ACP7: variants seen among roughly 807,000 people sequenced by gnomAD.
ACP7 encodes acid phosphatase type 7.
ACP7 carries 58 observed loss-of-function variants against 60.6 expected under a neutral mutation model. The ratio of observed to expected loss-of-function variants is 0.96; its 90% CI spans 0.77 to 1.19. The LOEUF is 1.19. ACP7 is among the 50% of genes most tolerant of loss of function. ACP7 has a pLI of 0.00. For synonymous variants in ACP7, 237 were observed against 232.6 expected (o/e 1.02, Z -0.17); for missense variants, 574 against 596.2 (o/e 0.96, Z 0.39).
intron 2 of ACP7, among the ~76,000 whole-genome samples, chr19:39,091,457 A>C (rs931213786): frequency 4.6e-5 from 7 of 152,028 alleles, no homozygotes; most frequent in Non-Finnish European, 5.9e-5. Flanking sequence ...CACTGTGCCC[A>C]GCCCTCCAGT....
chr19:39,089,984 A>G (rs566180514), intron 2 of ACP7, among the ~76,000 whole-genome samples: 2 of 152,250 alleles, frequency 1.3e-5, no homozygotes, highest in East Asian at 1.9e-4. Flanking sequence ...CTTGAGGGAG[A>G]TGGCTCAAGA....
intron 11 of ACP7, among the ~76,000 whole-genome samples, chr19:39,105,400 G>T (rs946661609): frequency 1.3e-5 from 2 of 152,134 alleles, no homozygotes; most frequent in African/African-American, 4.8e-5. Flanking sequence ...ACAGCGAGTT[G>T]TTTTGTGGAA....
chr19:39,103,868 G>A (rs540319888), intron 11 of ACP7, among the ~76,000 whole-genome samples: 1 of 152,090 alleles, frequency 6.6e-6, no homozygotes, highest in Admixed American at 6.6e-5. Flanking sequence ...TCACTATGTT[G>A]CCCAGGCTGG....
chr19:39,085,126 C>T lies in ACP7; in HGVS notation c.-144C>T. 9.2e-7 allele frequency: 1 copy of T among 1,085,222 alleles called. No individual in the cohort carries two copies. The highest frequency in any genetic ancestry group is 1.3e-6 in the Non-Finnish European group (1 of 775,372). The allele number at this position is 1,085,222 out of a possible 1,614,324, so 67.2% of individuals were successfully genotyped here. Reference sequence around the variant, plus strand: ...AACCACCCATCTTGAAGGAGACCTCCCTGCCCTGCCTCTGTTGTCCCCCAG... The same window carrying T: ...AACCACCCATCTTGAAGGAGACCTCTCTGCCCTGCCTCTGTTGTCCCCCAG... On this transcript the variant is annotated 5_prime_UTR_variant, in exon 2 of 13. Transcript: ENST00000331256.
Position 39,098,674 on chromosome 19 carries a change from G to C in ACP7, c.322+16G>C, listed in dbSNP as rs768506818. ...GTTCAGTATGGTGAGAGGGGCCCCA[G>C]GCTGAGCTGTTGAGGAGGAGTGGGA... is the stretch of plus-strand genomic sequence containing the variant. On this transcript the variant is annotated intron_variant, in intron 3 of 12. Transcript: ENST00000331256. The C allele has an allele frequency of 3.1e-6, 5 of 1,598,792 alleles. No homozygotes were observed. The highest frequency in any genetic ancestry group is 4.3e-6 in the Non-Finnish European group (5 of 1,171,542).
intron 12 of ACP7, among the ~76,000 whole-genome samples, chr19:39,109,109 A>G (rs2073441515): frequency 6.6e-6 from 1 of 152,150 alleles, no homozygotes; most frequent in South Asian, 2.1e-4. Context: ...GGCATGAGCC[A>G]CCGCATGCGG....
At chr19:39,090,669 A>G (rs531027992) in intron 2 of ACP7, among the ~76,000 whole-genome samples, 1 of 151,460 alleles carries the variant, frequency 6.6e-6, no homozygotes, top group East Asian at 1.9e-4. Context: ...TTTTGTAGAG[A>G]CAGAGTTTCA....
chr19:39,101,551 AG>A lies in ACP7; in HGVS notation c.1113+17del. 6.2e-7 allele frequency: 1 copy of A among 1,612,570 alleles called. No homozygotes were observed. The highest frequency in any genetic ancestry group is 1.7e-5 in the Admixed American group (1 of 59,888). On this transcript the variant is annotated intron_variant, in intron 11 of 12. Coordinates refer to ENST00000331256, the MANE Select transcript of ACP7 (RefSeq NM_001004318.3). The stretch of plus-strand genomic sequence containing the variant: ...ACAGGATCTGCTGTGAGCAGGGGGA[AG>A]GGTGGCTTTGCCTTCTCTCTCTATT...
At chr19:39,094,013 C>T (rs1035209987) in intron 2 of ACP7, among the ~76,000 whole-genome samples, 2 of 152,154 alleles carry the variant, frequency 1.3e-5, no homozygotes, top group African/African-American at 2.4e-5. Context: ...ACAAAGAGTA[C>T]TGCCATAAAT....
intron 11 of ACP7, among the ~76,000 whole-genome samples, chr19:39,103,045 C>G (rs188296538): frequency 6.6e-6 from 1 of 151,872 alleles, no homozygotes; most frequent in South Asian, 2.1e-4. Context: ...ACCATGCTGG[C>G]GAGGCTGGTC....
At chr19:39,107,357 C>T (rs190172910) in intron 12 of ACP7, among the ~76,000 whole-genome samples, 7 of 151,736 alleles carry the variant, frequency 4.6e-5, no homozygotes, top group Non-Finnish European at 1.0e-4. Flanking sequence ...CCGAGGCAGG[C>T]GGATCACAAG....
chr19:39,106,534 G>T (rs1449307126), intron 11 of ACP7, among the ~76,000 whole-genome samples: 1 of 152,026 alleles, frequency 6.6e-6, no homozygotes, highest in Non-Finnish European at 1.5e-5. Context: ...TTTTGTTTTT[G>T]TTTTTGTTTG....
At position 39,110,203 on chromosome 19, in the gene ACP7, T is replaced by C. The variant is rs549187966; in HGVS notation, c.*85T>C. 7.1e-5 allele frequency: 97 copies of C among 1,360,056 alleles called. No homozygotes were observed. Among genetic ancestry groups the C allele is most frequent in the Non-Finnish European group, 9.5e-5 (91 of 961,330 alleles). 84.2% of individuals were successfully genotyped at this position (1,360,056 alleles called of 1,614,324 possible). Reference sequence around the variant, plus strand: ...AAACTGCCCAGGCCTGGGTGGGGAGTTGGGTGGGCCCTGACTCCCCTGCCC... The same window carrying C: ...AAACTGCCCAGGCCTGGGTGGGGAGCTGGGTGGGCCCTGACTCCCCTGCCC... On this transcript the variant is annotated 3_prime_UTR_variant, in exon 13 of 13. Transcript: ENST00000331256.
chr19:39,107,754 C>T (rs1032726629), intron 12 of ACP7, among the ~76,000 whole-genome samples: 14 of 151,860 alleles, frequency 9.2e-5, no homozygotes, highest in African/African-American at 2.9e-4. Context: ...GCCATGGTGG[C>T]GGGTGCCTGT....
chr19:39,086,691 C>T (rs911647108), intron 2 of ACP7, among the ~76,000 whole-genome samples: 1 of 151,334 alleles, frequency 6.6e-6, no homozygotes, highest in African/African-American at 2.4e-5. Flanking sequence ...CAGCAATTTC[C>T]ATACACTTTA....
chr19:39,085,799 T>C (rs920215935), intron 2 of ACP7, among the ~76,000 whole-genome samples: 6 of 152,174 alleles, frequency 3.9e-5, no homozygotes, highest in Non-Finnish European at 8.8e-5. Flanking sequence ...CCCACGAGGC[T>C]GACTGCCTCC....
Position 39,110,223 on chromosome 19 carries a change from C to A in ACP7, c.*105C>A. 1.8e-6 allele frequency: 2 copies of A among 1,103,804 alleles called. No homozygotes were observed. The highest frequency in any genetic ancestry group is 2.0e-5 in the Admixed American group (1 of 51,130). 68.4% of individuals were successfully genotyped at this position (1,103,804 alleles called of 1,614,324 possible). A position where few individuals can be genotyped will look rare whatever the true frequency, so the allele number is the denominator to read the frequency against. ...GGGAGTTGGGTGGGCCCTGACTCCC[C>A]TGCCCTCCAGAGGCCCCATGTAGGG... On this transcript the variant is annotated 3_prime_UTR_variant, in exon 13 of 13. Transcript: ENST00000331256.
At chr19:39,094,387 C>T (rs983312112) in intron 2 of ACP7, among the ~76,000 whole-genome samples, 15 of 151,912 alleles carry the variant, frequency 9.9e-5, no homozygotes, top group African/African-American at 3.4e-4. Flanking sequence ...CCTGTAATCC[C>T]AGCTACTCAG....
chr19:39,086,648 G>A (rs1328453019), intron 2 of ACP7, among the ~76,000 whole-genome samples: 1 of 144,190 alleles, frequency 6.9e-6, no homozygotes, highest in Non-Finnish European at 1.5e-5. Flanking sequence ...AAAAGGGGGG[G>A]GGGAGGGGGA....
Sources: allele counts gnomAD v4.1 joint callset (sites outside exome capture counted in the v4.1 genomes callset), GRCh38; gene constraint gnomAD v4.1.1; transcripts MANE v1.5; gene names NCBI Gene and HGNC (gene_info 2026-07-23, HGNC 2026-07-21).